The following NR5A2 variants were observed in gnomAD, a reference collection of about 807,000 sequenced individuals.
The protein encoded by NR5A2 is nuclear receptor subfamily 5 group A member 2.
In NR5A2, 26 loss-of-function variants were observed where a neutral mutation model predicts 62.7. The observed-to-expected ratio is 0.41, with a 90% confidence interval of 0.30 to 0.58. The LOEUF (loss-of-function observed/expected upper bound fraction) is 0.58, where lower values mean the gene tolerates loss of function less well. Among genes scored for constraint, NR5A2 ranks in the 20% least tolerant of loss-of-function variants. The pLI, the probability that NR5A2 is intolerant of heterozygous loss-of-function variation, is 0.22. For missense variants in NR5A2, 541 were observed against 669.1 expected, an observed-to-expected ratio of 0.81 and a Z score of 2.11; for synonymous variants, 246 against 241.7, an observed-to-expected ratio of 1.02 and a Z score of -0.16.
intron 5 of NR5A2, among the ~76,000 whole-genome samples, chr1:200,081,784 C>G (rs753928125): frequency 7.0e-5 from 10 of 143,644 alleles, no homozygotes; most frequent in Non-Finnish European, 1.4e-4. Flanking sequence ...TTTTTTTTAA[C>G]AGCAATAGAA....
Position 200,174,216 on chromosome 1 carries a change from A to G in NR5A2, c.*6A>G. The G allele has an allele frequency of 6.4e-7, 1 of 1,574,290 alleles. No individual in the cohort carries two copies. The highest frequency in any genetic ancestry group is 8.6e-7 in the Non-Finnish European group (1 of 1,158,770). Reference sequence around the variant, plus strand: ...TGCATGCCAAAAGAGCATAAGTTACAACCCCTAGGAGCTCTGCTTTCAAAA... The same window carrying G: ...TGCATGCCAAAAGAGCATAAGTTACGACCCCTAGGAGCTCTGCTTTCAAAA... On this transcript the variant is annotated 3_prime_UTR_variant, in exon 8 of 8. Coordinates refer to ENST00000367362, the MANE Select transcript of NR5A2 (RefSeq NM_205860.3).
At chr1:200,060,271 T>G (rs1397846451) in intron 5 of NR5A2, among the ~76,000 whole-genome samples, 1 of 152,182 alleles carries the variant, frequency 6.6e-6, no homozygotes, top group Admixed American at 6.5e-5. Flanking sequence ...TCATTTACCC[T>G]TCAGGTGAAA....
At chr1:200,165,330 C>G (rs910164627) in intron 7 of NR5A2, among the ~76,000 whole-genome samples, 29 of 152,110 alleles carry the variant, frequency 1.9e-4, no homozygotes, top group Non-Finnish European at 3.4e-4. Context: ...CAATGAATGC[C>G]GCTACATTGA....
chr1:200,144,229 T>TCACACACACACA (rs770054105), intron 7 of NR5A2, among the ~76,000 whole-genome samples: 2 of 127,012 alleles, frequency 1.6e-5, no homozygotes, highest in African/African-American at 6.5e-5. Context: ...TCTCTCTCTC[T>TCACACACACACA]CTCTCACACA....
chr1:200,045,906 A>C (rs996418413), intron 4 of NR5A2, among the ~76,000 whole-genome samples: 1 of 152,196 alleles, frequency 6.6e-6, no homozygotes, highest in African/African-American at 2.4e-5. Context: ...AATCCAACTG[A>C]AAACAAGAAT....
chr1:200,074,747 A>AAAAAAAAAAAAAAAAACAAAAAAAAAAC (rs1430312718), intron 5 of NR5A2, among the ~76,000 whole-genome samples: 3 of 148,118 alleles, frequency 2.0e-5, no homozygotes, highest in Non-Finnish European at 4.5e-5. Context: ...AAAAAAAAAA[A>AAAAAAAAAAAAAAAAACAAAAAAAAAAC]AAAAAAAAAC....
At chr1:200,040,539 C>T (rs567505310) in intron 2 of NR5A2, among the ~76,000 whole-genome samples, 31 of 145,984 alleles carry the variant, frequency 2.1e-4, no homozygotes, top group Admixed American at 1.9e-3. Flanking sequence ...ACATTTTCTC[C>T]TCATTCCAAA....
chr1:200,054,660 G>A (rs1021085752), intron 5 of NR5A2, among the ~76,000 whole-genome samples: 14 of 152,194 alleles, frequency 9.2e-5, no homozygotes, highest in Admixed American at 7.2e-4. Flanking sequence ...ATTTAGCCAT[G>A]CTGAAGTTGG....
chr1:200,039,572 G>A lies in NR5A2; in HGVS notation c.65-86G>A. 2 of 1,582,342 alleles carry A rather than the reference G, an allele frequency of 1.3e-6. No homozygotes were observed. The highest frequency in any genetic ancestry group is 1.1e-5 in the South Asian group (1 of 89,054). ...CCCGAGGAGGCGGAGGCACGCTCCGGCGAGGCGAGAGGGTTGGGTTAGCAG... is the reference window on the plus strand; with the variant it reads ...CCCGAGGAGGCGGAGGCACGCTCCGACGAGGCGAGAGGGTTGGGTTAGCAG... On this transcript the variant is annotated intron_variant, in intron 1 of 7. Transcript: ENST00000367362. This position sits in a 1 kb window ranked among gnomAD's most constrained non-coding sequence, Gnocchi z 5.1.
intron 5 of NR5A2, among the ~76,000 whole-genome samples, chr1:200,076,877 TC>T (rs1045586201): frequency 5.9e-5 from 9 of 152,294 alleles, no homozygotes; most frequent in Non-Finnish European, 1.0e-4. Context: ...ACTAACTCAC[TC>T]ACTGTTAGAG....
chr1:200,140,425 A>G (rs1667394924), intron 7 of NR5A2, among the ~76,000 whole-genome samples: 1 of 152,176 alleles, frequency 6.6e-6, no homozygotes, highest in African/African-American at 2.4e-5. Flanking sequence ...TTTGTCTGAT[A>G]TTAAGAATGT....
chr1:200,138,950 G>A (rs1485903064), intron 7 of NR5A2, among the ~76,000 whole-genome samples: 1 of 152,144 alleles, frequency 6.6e-6, no homozygotes, highest in Non-Finnish European at 1.5e-5. Flanking sequence ...AGAACCCAGT[G>A]GGGTCTTGAG....
At chr1:200,066,588 C>CTTTTTT (rs756874909) in intron 5 of NR5A2, among the ~76,000 whole-genome samples, 10,381 of 112,478 alleles carry the variant, frequency 0.092, 1,013 homozygotes, top group Middle Eastern at 0.14. Context: ...AATTAATTAT[C>CTTTTTT]TTTTTTTTTT....
chr1:200,169,792 C>T (rs1654088062), intron 7 of NR5A2, among the ~76,000 whole-genome samples: 1 of 152,074 alleles, frequency 6.6e-6, no homozygotes, highest in South Asian at 2.1e-4. Flanking sequence ...ATACTATTTC[C>T]AACTCAGAAT....
intron 5 of NR5A2, among the ~76,000 whole-genome samples, chr1:200,074,756 A>AAAAAAAAAAAAAAAAAAAAC (rs1304164782): frequency 1.5e-5 from 2 of 137,690 alleles, no homozygotes; most frequent in South Asian, 2.5e-4. Flanking sequence ...AAAAAAAAAA[A>AAAAAAAAAAAAAAAAAAAAC]CACGAGAGAA....
chr1:200,087,068 G>T (rs934059335), intron 5 of NR5A2, among the ~76,000 whole-genome samples: 20 of 152,010 alleles, frequency 1.3e-4, no homozygotes, highest in Admixed American at 1.3e-3. Context: ...GGACAATATC[G>T]GGTAGACAAA....
chr1:200,119,982 C>T (rs1003202162), intron 6 of NR5A2, among the ~76,000 whole-genome samples: 1 of 152,060 alleles, frequency 6.6e-6, no homozygotes, highest in South Asian at 2.1e-4. Context: ...GAATTATTCT[C>T]CTAAATAAAG....
intron 5 of NR5A2, among the ~76,000 whole-genome samples, chr1:200,050,592 T>C (rs1662584582): frequency 6.6e-6 from 1 of 152,216 alleles, no homozygotes; most frequent in Admixed American, 6.5e-5. Context: ...GGTGCTGTTT[T>C]AAATTGATAT....
At chr1:200,065,045 GAAGTGTTGGGGTTAC>G (rs1287072205) in intron 5 of NR5A2, among the ~76,000 whole-genome samples, 1 of 151,924 alleles carries the variant, frequency 6.6e-6, no homozygotes, top group African/African-American at 2.4e-5. Flanking sequence ...TCAGCCTCCC[GAAGTGTTGGGGTTAC>G]AGGCTTGATC....
Sources: gnomAD v4.1 joint callset for allele counts (sites outside exome capture counted in the v4.1 genomes callset) on GRCh38, gnomAD v4.1.1 for gene constraint, Gnocchi (gnomAD v3.1) non-coding constraint, MANE v1.5 for transcripts, NCBI Gene and HGNC (gene_info 2026-07-23, HGNC 2026-07-21) for gene names.